Variants in LHX8 observed in about 807,000 individuals in gnomAD.
The protein encoded by LHX8 is LIM homeobox 8, also known as LIM/homeobox protein Lhx8.
In LHX8, 12 loss-of-function variants were observed where a neutral mutation model predicts 40.3. The observed-to-expected ratio is 0.30, with a 90% CI of 0.19 to 0.48. LHX8 has a LOEUF of 0.48. Ranked by LOEUF, LHX8 falls within the 20% of genes least tolerant of loss-of-function variation. The pLI is 0.99. For synonymous variants in LHX8, 179 were observed against 162.0 expected (o/e 1.10, Z -0.80); for missense variants, 344 against 433.7 (o/e 0.79, Z 1.84).
chr1:75,188,168 T>C, the LHX8 span, among the ~76,000 whole-genome samples: 1,992 of 152,226 alleles, frequency 0.013, 26 homozygotes, highest in Non-Finnish European at 0.022. Context: ...GTTTTGTTGT[T>C]GTTGTTTTGT....
Position 75,136,674 on chromosome 1 carries a change from C to G in LHX8, c.60C>G (p.Ala20=), listed in dbSNP as rs140847718. The change falls in exon 2 of 9, where the codon GCC becomes GCG. Residue 20 remains alanine, a synonymous_variant. Coordinates refer to ENST00000356261, the MANE Select transcript of LHX8 (RefSeq NM_001256114.2). ...ALAAGRTRKG[A]GEEGLVSPEG... Reference sequence around the variant, plus strand: ...CGGCCGGGAGGACTCGCAAAGGCGCCGGGGAAGAGGGACTGGTGAGTGCGG... The same window carrying G: ...CGGCCGGGAGGACTCGCAAAGGCGCGGGGGAAGAGGGACTGGTGAGTGCGG... 2.6e-6 allele frequency: 4 copies of G among 1,546,546 alleles called. No individual in the cohort carries two copies. Among genetic ancestry groups the G allele is most frequent in the Admixed American group, 2.0e-5 (1 of 50,962 alleles).
At chr1:75,179,366 T>C in the LHX8 span, among the ~76,000 whole-genome samples, 6 of 152,290 alleles carry the variant, frequency 3.9e-5, no homozygotes, top group African/African-American at 1.4e-4. Flanking sequence ...TTGTATTGGG[T>C]GCATATATAT....
chr1:75,169,452 A>G, the LHX8 span, among the ~76,000 whole-genome samples: 1 of 152,186 alleles, frequency 6.6e-6, no homozygotes, highest in Admixed American at 6.5e-5. Flanking sequence ...ACCCTACGTC[A>G]AGAAGTGGTG....
intron 8 of LHX8, 116 bp downstream of exon 8, chr1:75,157,192 A>G: frequency 2.5e-6 from 3 of 1,198,790 alleles, no homozygotes; most frequent in Non-Finnish European, 3.7e-6. Flanking sequence ...GTAGCTGAAA[A>G]ATATTGTGGG....
chr1:75,165,017 C>A (rs775984906), downstream of LHX8, among the ~76,000 whole-genome samples: 157 of 152,262 alleles, frequency 1.0e-3, 3 homozygotes, highest in Non-Finnish European at 3.2e-4. Context: ...GCACAAGCTG[C>A]CACTTTTGTG....
At chr1:75,183,481 TA>T in the LHX8 span, among the ~76,000 whole-genome samples, 17,515 of 148,470 alleles carry the variant, frequency 0.12, 1,659 homozygotes, top group African/African-American at 0.26. Flanking sequence ...ATAATGTTCT[TA>T]AAAAAAAAAA....
intron 3 of LHX8, among the ~76,000 whole-genome samples, chr1:75,140,097 A>T (rs1648271559): frequency 6.6e-6 from 1 of 152,210 alleles, no homozygotes; most frequent in African/African-American, 2.4e-5. Context: ...ACACATCTTC[A>T]TACTCCAGGG....
chr1:75,149,144 A>C (rs1424534375), intron 7 of LHX8, among the ~76,000 whole-genome samples: 1 of 152,182 alleles, frequency 6.6e-6, no homozygotes, highest in African/African-American at 2.4e-5. Context: ...TGTTTTTCCT[A>C]CTTTTTTTAT....
the LHX8 span, among the ~76,000 whole-genome samples, chr1:75,168,566 A>G: frequency 6.6e-6 from 1 of 151,978 alleles, no homozygotes; most frequent in Non-Finnish European, 1.5e-5. Context: ...ATCTGCTGTC[A>G]ACCCCTCTTT....
chr1:75,136,193 C>G (rs1483090073), intron 1 of LHX8, among the ~76,000 whole-genome samples: 1 of 152,144 alleles, frequency 6.6e-6, no homozygotes, highest in Non-Finnish European at 1.5e-5. Context: ...CTTTTCTTCT[C>G]TCGCACTCCA....
chr1:75,153,199 G>A (rs546690033), intron 7 of LHX8, among the ~76,000 whole-genome samples: 12 of 152,042 alleles, frequency 7.9e-5, no homozygotes, highest in Admixed American at 1.3e-4. Flanking sequence ...TCCGCCTTCC[G>A]GACTCAAGCG....
intron 4 of LHX8, among the ~76,000 whole-genome samples, chr1:75,141,792 C>T (rs1048595652): frequency 1.1e-4 from 17 of 152,004 alleles, no homozygotes; most frequent in African/African-American, 4.1e-4. Context: ...TCAAGAATGA[C>T]TTTTAAAAAT....
At chr1:75,189,858 C>G in the LHX8 span, among the ~76,000 whole-genome samples, 35 of 152,286 alleles carry the variant, frequency 2.3e-4, no homozygotes, top group Admixed American at 2.1e-3. Context: ...AACACTAATA[C>G]TGAATATCGC....
intron 4 of LHX8, among the ~76,000 whole-genome samples, chr1:75,141,577 C>A (rs551993179): frequency 9.9e-5 from 15 of 152,216 alleles, no homozygotes; most frequent in African/African-American, 2.4e-4. Flanking sequence ...CCATGATAAA[C>A]TGTAGTATTC....
the LHX8 span, among the ~76,000 whole-genome samples, chr1:75,179,829 G>A: frequency 4.6e-5 from 7 of 152,104 alleles, no homozygotes; most frequent in South Asian, 2.1e-4. Flanking sequence ...GGCTGGTACC[G>A]GTTGTTCCTT....
At chr1:75,196,654 T>C in the LHX8 span, among the ~76,000 whole-genome samples, 5 of 152,214 alleles carry the variant, frequency 3.3e-5, no homozygotes, top group African/African-American at 1.2e-4. Flanking sequence ...ATTTCTGTTC[T>C]CAATATTAAG....
At chr1:75,170,016 A>G in the LHX8 span, among the ~76,000 whole-genome samples, 1 of 152,088 alleles carries the variant, frequency 6.6e-6, no homozygotes, top group East Asian at 1.9e-4. Context: ...TTTCCTTTTC[A>G]GCAGATACCC....
At chr1:75,175,513 GAGGTT>G in the LHX8 span, among the ~76,000 whole-genome samples, 1 of 152,118 alleles carries the variant, frequency 6.6e-6, no homozygotes. Context: ...GCAGGAGTAA[GAGGTT>G]ATTGCATTGT....
intron 7 of LHX8, among the ~76,000 whole-genome samples, chr1:75,152,776 A>G (rs1648643797): frequency 6.6e-6 from 1 of 152,130 alleles, no homozygotes; most frequent in Admixed American, 6.5e-5. Flanking sequence ...CTTTTCCCCA[A>G]CTCAGAAGAA....
Sources: allele counts gnomAD v4.1 joint callset (sites outside exome capture counted in the v4.1 genomes callset), GRCh38; gene constraint gnomAD v4.1.1; transcripts MANE v1.5; gene names NCBI Gene and HGNC (gene_info 2026-07-23, HGNC 2026-07-21).